Variants in SCN11A observed in about 807,000 individuals in gnomAD.
SCN11A encodes sodium voltage-gated channel alpha subunit 11, also known as sodium channel protein type 11 subunit alpha.
In SCN11A, 122 loss-of-function variants were observed where a neutral mutation model predicts 162.2. The ratio of observed to expected loss-of-function variants is 0.75; its 90% CI spans 0.65 to 0.87. The LOEUF is 0.87. Among genes scored for constraint, SCN11A ranks in the 40% least tolerant of loss-of-function variants. The pLI, the probability that SCN11A is intolerant of heterozygous loss-of-function variation, is 0.00. For synonymous variants in SCN11A, 758 were observed against 751.5 expected (o/e 1.01, Z -0.14); for missense variants, 2,015 against 2,181.6 (o/e 0.92, Z 1.52).
chr3:38,882,576 T>C (rs573843876), intron 22 of SCN11A, among the ~76,000 whole-genome samples: 2 of 151,906 alleles, frequency 1.3e-5, no homozygotes, highest in African/African-American at 4.8e-5. Flanking sequence ...AAAGATACTA[T>C]CCCTCCCTAG....
At chr3:38,994,344 G>A (rs949574336) in intron 2 of SCN11A, among the ~76,000 whole-genome samples, 8 of 152,152 alleles carry the variant, frequency 5.3e-5, no homozygotes, top group Admixed American at 1.3e-4. Flanking sequence ...GATACTGAGC[G>A]TCACATTTAA....
At chr3:38,922,671 A>G (rs2066072304) in intron 9 of SCN11A, among the ~76,000 whole-genome samples, 1 of 150,960 alleles carries the variant, frequency 6.6e-6, no homozygotes, top group African/African-American at 2.5e-5. Flanking sequence ...TGAAAAGAAG[A>G]AGGAGAAGGA....
At chr3:39,047,026 CCCCCCA>C (rs2032199304) in intron 1 of SCN11A, among the ~76,000 whole-genome samples, 1 of 90,970 alleles carries the variant, frequency 1.1e-5, no homozygotes, top group Non-Finnish European at 2.2e-5. Flanking sequence ...CAGCCCCCCA[CCCCCCA>C]CCCCCACCCC....
intron 13 of SCN11A, among the ~76,000 whole-genome samples, chr3:38,908,480 C>A (rs541695398): frequency 6.6e-6 from 1 of 151,994 alleles, no homozygotes; most frequent in South Asian, 2.1e-4. Context: ...AGGATCAGTG[C>A]GAGTATAAAA....
At chr3:38,935,118 C>A (rs1415959866) in intron 7 of SCN11A, among the ~76,000 whole-genome samples, 1 of 152,262 alleles carries the variant, frequency 6.6e-6, no homozygotes, top group East Asian at 1.9e-4. Flanking sequence ...CAACCTGCTC[C>A]TGAATGACTA....
At chr3:38,964,434 C>T (rs1158299244) in intron 2 of SCN11A, among the ~76,000 whole-genome samples, 1 of 152,184 alleles carries the variant, frequency 6.6e-6, no homozygotes, top group Non-Finnish European at 1.5e-5. Flanking sequence ...TCTTTAGGAG[C>T]ATGCATCTGC....
intron 10 of SCN11A, among the ~76,000 whole-genome samples, chr3:38,920,727 T>A (rs894595130): frequency 6.7e-6 from 1 of 150,338 alleles, no homozygotes; most frequent in African/African-American, 2.4e-5. Flanking sequence ...GAGAAATACT[T>A]GAGGAGTGGG....
chr3:39,023,507 G>C (rs1559577559), intron 2 of SCN11A, among the ~76,000 whole-genome samples: 1 of 151,462 alleles, frequency 6.6e-6, no homozygotes, highest in East Asian at 1.9e-4. Context: ...TTTATTATTT[G>C]TCAAAGTAGG....
chr3:38,846,588 A>C lies in SCN11A; in HGVS notation c.*106T>G, dbSNP rs1195454639. Reference sequence around the variant, plus strand: ...AGCCAGAAAAGAAAATGGAATGGCTAATTTGGTGAATCCACTCCCTGTTGA... The same window carrying C: ...AGCCAGAAAAGAAAATGGAATGGCTCATTTGGTGAATCCACTCCCTGTTGA... On this transcript the variant is annotated 3_prime_UTR_variant, in exon 30 of 30. Coordinates refer to ENST00000302328, the MANE Select transcript of SCN11A (RefSeq NM_001349253.2). 3 of 789,550 alleles carry C rather than the reference A, an allele frequency of 3.8e-6. No individual in the cohort carries two copies. In the African/African-American group the frequency reaches 5.2e-5, roughly 14 times the overall value. The allele number at this position is 789,550 out of a possible 1,614,324, so 48.9% of individuals were successfully genotyped here.
At position 38,863,291 on chromosome 3, in the gene SCN11A, GC is replaced by G; in HGVS notation, c.3959del (p.Gly1320AlafsTer6). The G allele has an allele frequency of 6.4e-7, 1 of 1,561,400 alleles. No individual in the cohort carries two copies. The highest frequency in any genetic ancestry group is 8.8e-7 in the Non-Finnish European group (1 of 1,134,442). On this transcript the variant is annotated frameshift_variant, in exon 28 of 30. Transcript: ENST00000302328. LOFTEE classifies it high-confidence loss of function. Reference sequence around the variant, plus strand: ...GTTCTTCTGTCATAAAAATGTCTTGGCCACCTAAGTATATGGAGAAGATAAG... The same window carrying G: ...GTTCTTCTGTCATAAAAATGTCTTGGCACCTAAGTATATGGAGAAGATAAG... ...NFNQQQKKLG[G>X]QDIFMTEEQK...
At chr3:38,978,092 T>C (rs1181360390) in intron 2 of SCN11A, among the ~76,000 whole-genome samples, 1 of 152,194 alleles carries the variant, frequency 6.6e-6, no homozygotes, top group East Asian at 1.9e-4. Flanking sequence ...TATCCCCATT[T>C]TACAGACAAG....
rs187929696 is a variant in SCN11A, at chr3:38,891,027, C to T, written c.2835+3506G>A. Among the ~76,000 whole-genome samples, 21 of 151,844 alleles carry T rather than the reference C, an allele frequency of 1.4e-4. No homozygotes were observed. The East Asian group carries it at 2.3e-3, about 17-fold the overall frequency. On this transcript the variant is annotated intron_variant, in intron 19 of 29. Coordinates refer to ENST00000302328, the MANE Select transcript of SCN11A (RefSeq NM_001349253.2). ...ATGTGCAAAAAACAAGAAAGTGTGA[C>T]GCACACAGGGGAAAACAGTCAGTAA...
chr3:38,924,145 C>G (rs1255734109), intron 9 of SCN11A, among the ~76,000 whole-genome samples: 1 of 152,118 alleles, frequency 6.6e-6, no homozygotes, highest in Non-Finnish European at 1.5e-5. Context: ...ATCTCCCCTA[C>G]ATTCCATTCT....
intron 2 of SCN11A, among the ~76,000 whole-genome samples, chr3:39,025,084 A>T (rs149162196): frequency 3.8e-3 from 584 of 152,312 alleles, no homozygotes; most frequent in Non-Finnish European, 6.1e-3. Flanking sequence ...AGTTTGGAGT[A>T]ACAGCTTGCT....
chr3:38,886,320 T>A (rs1241140633), intron 19 of SCN11A, 82 bp from the exon 20 acceptor site: 1 of 875,074 alleles, frequency 1.1e-6, no homozygotes, highest in African/African-American at 1.7e-5. Context: ...TGCTATTTGG[T>A]TTTCTCTTTG....
intron 23 of SCN11A, among the ~76,000 whole-genome samples, chr3:38,874,200 C>T (rs1253739272): frequency 2.6e-5 from 4 of 152,138 alleles, no homozygotes; most frequent in Admixed American, 2.0e-4. Flanking sequence ...GGTTTGAGAT[C>T]GCATTTTCCT....
chr3:38,925,004 C>T (rs1035717565), intron 9 of SCN11A, among the ~76,000 whole-genome samples: 1 of 152,104 alleles, frequency 6.6e-6, no homozygotes, highest in Non-Finnish European at 1.5e-5. Context: ...TGACAACTAT[C>T]GTGATCACTC....
chr3:38,931,574 C>T (rs1029041050), intron 7 of SCN11A, among the ~76,000 whole-genome samples: 1 of 152,194 alleles, frequency 6.6e-6, no homozygotes, highest in Non-Finnish European at 1.5e-5. Flanking sequence ...AGAAGCATGA[C>T]GAGAGTGGGC....
rs58546897 is a variant in SCN11A at position 38,932,789 on chromosome 3, G to A, written c.489-5858C>T. ...TGCCTCTGTAGGCTCCACCTCTGGG[G>A]GCAGGGCACAGACAAACAAAAAGAC... On this transcript the variant is annotated intron_variant, in intron 7 of 29. Transcript: ENST00000302328. Among the ~76,000 whole-genome samples the A allele has an allele frequency of 5.3e-3, 808 of 152,306 alleles. 38 individuals carry two copies. The East Asian group carries it at 0.097, about 18-fold the overall frequency.
Sources: allele counts gnomAD v4.1 joint callset (sites outside exome capture counted in the v4.1 genomes callset), GRCh38; gene constraint gnomAD v4.1.1; transcripts MANE v1.5; gene names NCBI Gene and HGNC (gene_info 2026-07-23, HGNC 2026-07-21).